SHISA9: variants seen among roughly 807,000 people sequenced by gnomAD.
SHISA9 encodes the protein shisa family member 9, also known as protein shisa-9.
Under a neutral mutation model 38.0 loss-of-function variants are expected in SHISA9, and 13 were observed. The ratio of observed to expected loss-of-function variants is 0.34; its 90% CI spans 0.22 to 0.54. The LOEUF (loss-of-function observed/expected upper bound fraction) is 0.54. SHISA9 is among the 20% of genes least tolerant of loss of function. SHISA9 has a pLI of 0.91. For synonymous variants in SHISA9, 275 were observed against 242.0 expected, an observed-to-expected ratio of 1.14 and a Z score of -1.27; for missense variants, 538 against 575.8, an observed-to-expected ratio of 0.93 and a Z score of 0.67.
chr16:13,140,527 A>G (rs2050393165), intron 2 of SHISA9, among the ~76,000 whole-genome samples: 1 of 152,068 alleles, frequency 6.6e-6, no homozygotes, highest in African/African-American at 2.4e-5. Context: ...TTGTCCATTT[A>G]ATAAATCCAC....
chr16:13,399,371 G>T, the SHISA9 span, among the ~76,000 whole-genome samples: 1 of 152,096 alleles, frequency 6.6e-6, no homozygotes, highest in Non-Finnish European at 1.5e-5. Flanking sequence ...AAATGGCCAA[G>T]GTTTTACCTG....
In SHISA9 at chr16:12,953,739, G is replaced by A. The variant is rs147544536; in HGVS notation, c.691+36924G>A. On this transcript the variant is annotated intron_variant, in intron 2 of 4. Coordinates refer to ENST00000558583, the MANE Select transcript of SHISA9 (RefSeq NM_001145204.3). ...CACACTGCTATAAAATTCTACCTGA[G>A]AGTGGGTAATTTATAAAGAAAGGAG... Among the ~76,000 whole-genome samples, 746 of 152,328 alleles carry A rather than the reference G, an allele frequency of 4.9e-3. 2 individuals carry two copies. Among genetic ancestry groups the A allele is most frequent in the Admixed American group, 8.4e-3 (128 of 15,298 alleles).
chr16:13,470,666 A>G, the SHISA9 span, among the ~76,000 whole-genome samples: 5 of 152,200 alleles, frequency 3.3e-5, no homozygotes, highest in African/African-American at 1.2e-4. Flanking sequence ...TTACAATTCA[A>G]GGTGATATTT....
the SHISA9 span, among the ~76,000 whole-genome samples, chr16:13,485,471 T>C: frequency 0.015 from 2,316 of 152,290 alleles, 68 homozygotes; most frequent in African/African-American, 0.052. Flanking sequence ...TCATACCATA[T>C]TGCTTCCCTT....
chr16:13,467,749 A>T, the SHISA9 span, among the ~76,000 whole-genome samples: 1 of 152,160 alleles, frequency 6.6e-6, no homozygotes, highest in Non-Finnish European at 1.5e-5. Context: ...AGCTTGCCTC[A>T]TTTCCCTCCT....
At chr16:13,062,959 T>C (rs755939480) in intron 2 of SHISA9, among the ~76,000 whole-genome samples, 2 of 152,142 alleles carry the variant, frequency 1.3e-5, no homozygotes, top group Non-Finnish European at 2.9e-5. Context: ...GGGCGTGCTT[T>C]CGGACGCATC....
chr16:13,370,556 T>C, the SHISA9 span, among the ~76,000 whole-genome samples: 1 of 152,232 alleles, frequency 6.6e-6, no homozygotes, highest in African/African-American at 2.4e-5. Flanking sequence ...TGGACCTTCT[T>C]CTGAGCACAA....
chr16:13,262,511 G>A, the SHISA9 span, among the ~76,000 whole-genome samples: 1 of 152,170 alleles, frequency 6.6e-6, no homozygotes, highest in Non-Finnish European at 1.5e-5. Context: ...CAATAGCCTG[G>A]AGGATCTTTT....
chr16:13,288,603 G>A, the SHISA9 span, among the ~76,000 whole-genome samples: 2 of 152,058 alleles, frequency 1.3e-5, no homozygotes, highest in Admixed American at 1.3e-4. Flanking sequence ...AGACCATCCT[G>A]GTCAACATGA....
rs2050273048 is a variant in SHISA9 at position 13,127,605 on chromosome 16, G to C, written c.692-75789G>C. 2.6e-5 allele frequency among the ~76,000 whole-genome samples: 4 copies of C among 152,138 alleles called. No individual in the cohort carries two copies. The South Asian group carries it at 8.3e-4, about 31-fold the overall frequency. ...GGAGGGAGAGCAGCTTGACAGGTCA[G>C]CTCCTGCAGAGTTTCTCTGGCTGTC... On this transcript the variant is annotated intron_variant, in intron 2 of 4. Transcript: ENST00000558583.
chr16:13,289,104 A>G, the SHISA9 span, among the ~76,000 whole-genome samples: 1 of 152,136 alleles, frequency 6.6e-6, no homozygotes, highest in Non-Finnish European at 1.5e-5. Context: ...AGGAAGAGGA[A>G]GACTGAAATG....
At chr16:13,204,244 CTA>C (rs767869036) in intron 3 of SHISA9, among the ~76,000 whole-genome samples, 11 of 151,720 alleles carry the variant, frequency 7.3e-5, no homozygotes, top group Non-Finnish European at 1.3e-4. Flanking sequence ...ATCTATCTAT[CTA>C]TCTACCCATC....
intron 2 of SHISA9, among the ~76,000 whole-genome samples, chr16:13,061,498 C>A (rs952931097): frequency 6.6e-5 from 10 of 152,238 alleles, no homozygotes; most frequent in African/African-American, 2.4e-4. Flanking sequence ...TATGCACTGT[C>A]CGGATTAAAG....
intron 2 of SHISA9, among the ~76,000 whole-genome samples, chr16:13,029,587 G>A (rs145719493): frequency 0.017 from 2,574 of 152,240 alleles, 77 homozygotes; most frequent in African/African-American, 0.059. Context: ...CAGCCTGGGC[G>A]ACAGAATGAG....
intron 2 of SHISA9, among the ~76,000 whole-genome samples, chr16:13,065,895 C>T (rs276621): frequency 7.2e-5 from 11 of 152,278 alleles, no homozygotes; most frequent in East Asian, 3.9e-4. Context: ...GTCTTGTATA[C>T]GCATGGTGTA....
chr16:12,961,621 A>G (rs1313394761), intron 2 of SHISA9, among the ~76,000 whole-genome samples: 3 of 152,186 alleles, frequency 2.0e-5, no homozygotes, highest in African/African-American at 4.8e-5. Context: ...AGCTGAAGAA[A>G]GAAGGGGGAA....
the SHISA9 span, among the ~76,000 whole-genome samples, chr16:13,314,371 G>C: frequency 7.9e-5 from 12 of 151,984 alleles, no homozygotes; most frequent in South Asian, 2.5e-3. Flanking sequence ...CTGCCACCAT[G>C]CCCAGCTAAT....
At chr16:13,540,303 T>G in the SHISA9 span, among the ~76,000 whole-genome samples, 1 of 152,076 alleles carries the variant, frequency 6.6e-6, no homozygotes, top group Non-Finnish European at 1.5e-5. Context: ...CCAACCTAAT[T>G]TGCAACTCCA....
intron 2 of SHISA9, among the ~76,000 whole-genome samples, chr16:13,021,751 C>T (rs74012241): frequency 5.9e-4 from 90 of 152,216 alleles, no homozygotes; most frequent in African/African-American, 2.1e-3. Context: ...TTCTAGAATA[C>T]CCCCTGTGTC....
Sources: gnomAD v4.1 joint callset for allele counts (sites outside exome capture counted in the v4.1 genomes callset) on GRCh38, gnomAD v4.1.1 for gene constraint, MANE v1.5 for transcripts, NCBI Gene and HGNC (gene_info 2026-07-23, HGNC 2026-07-21) for gene names.